NOTCH4: variants seen among roughly 807,000 people sequenced by gnomAD.
NOTCH4 encodes neurogenic locus notch homolog protein 4.
In NOTCH4, 138 loss-of-function variants were observed where a neutral mutation model predicts 189.0. The ratio of observed to expected loss-of-function variants is 0.73; its 90% CI spans 0.64 to 0.84. The LOEUF (loss-of-function observed/expected upper bound fraction) is 0.84, where lower values mean the gene tolerates loss of function less well. Ranked by LOEUF, NOTCH4 falls within the 40% of genes least tolerant of loss-of-function variation. The pLI is 0.00. For synonymous variants in NOTCH4, 942 were observed against 1,032.8 expected, an observed-to-expected ratio of 0.91 and a Z score of 1.69; for missense variants, 2,286 against 2,605.4, an observed-to-expected ratio of 0.88 and a Z score of 2.67.
Position 32,212,750 on chromosome 6 carries a change from G to T in NOTCH4, c.2526+74C>A. On this transcript the variant is annotated intron_variant, in intron 16 of 29. Coordinates refer to ENST00000375023, the MANE Select transcript of NOTCH4 (RefSeq NM_004557.4). The surrounding 1 kb of genome is among the most constrained non-coding windows in gnomAD (Gnocchi z 4.4). ...CAAAAACCTTCTCCTGAATGGCCTG[G>T]GACCAGGTGACCCTCCCTGGTTTCC... 6.9e-7 allele frequency: 1 copy of T among 1,458,536 alleles called. No individual in the cohort carries two copies. Among genetic ancestry groups the T allele is most frequent in the Non-Finnish European group, 9.2e-7 (1 of 1,086,190 alleles). 90.3% of individuals were successfully genotyped at this position (1,458,536 alleles called of 1,614,324 possible).
chr6:32,212,908 G>A lies in NOTCH4; in HGVS notation c.2442C>T (p.Pro814=). The change falls in exon 16 of 30, where the codon CCC becomes CCT. Residue 814 remains proline, a synonymous_variant. Transcript: ENST00000375023. This position sits in a 1 kb window ranked among gnomAD's most constrained non-coding sequence, Gnocchi z 4.4. ...CCTGGCAGGTTGCCCTATTCCTACA[G>A]GGGCTGAACAAGACAGAGACAGGGC... ...GKLRPSCADS[P]CRNRATCQDS... The A allele has an allele frequency of 6.4e-7, 1 of 1,564,124 alleles. No homozygotes were observed. The highest frequency in any genetic ancestry group is 1.4e-5 in the African/African-American group (1 of 73,906).
chr6:32,195,998 C>T lies in NOTCH4; in HGVS notation c.5451G>A (p.Thr1817=). Residue 1817 remains threonine, a synonymous_variant, in exon 30 of 30, where the codon ACG becomes ACA. Transcript: ENST00000375023. This position sits in a 1 kb window ranked among gnomAD's most constrained non-coding sequence, Gnocchi z 5.4. ...CTGGTGGCCCAGCCCCTTCCAGCAG[C>T]GTCAGCAGATCCCAGTGGTTACGTT... ...AHQRNHWDLL[T]LLEGAGPPEA... The T allele has an allele frequency of 6.3e-7, 1 of 1,599,468 alleles. No homozygotes were observed. The highest frequency in any genetic ancestry group is 8.5e-7 in the Non-Finnish European group (1 of 1,179,072).
In NOTCH4 at chr6:32,203,856, G is replaced by A. The variant is rs1190048204; in HGVS notation, c.3145C>T (p.Pro1049Ser). 6.4e-7 allele frequency: 1 copy of A among 1,559,298 alleles called. No homozygotes were observed. Among genetic ancestry groups the A allele is most frequent in the South Asian group, 1.2e-5 (1 of 84,664 alleles). Residue 1049 changes from proline (P) to serine (S), a missense_variant, in exon 20 of 30, where the codon CCC becomes TCC. Physicochemically the swap from Pro to Ser is moderately conservative, Grantham distance 74. Around this residue, in one of 2 missense-constraint regions of NOTCH4, gnomAD observed 1,903 missense variants for 2,261.9 expected, o/e 0.84. Coordinates refer to ENST00000375023, the MANE Select transcript of NOTCH4 (RefSeq NM_004557.4). ...TGAAAGCAGGGTTGGCTGTGGCAGG[G>A]GTCTATCTCCACCTCACACCACTGG... Reference protein sequence around the residue: ...TGQWCEVEIDPCHSQPCFHGG... With the variant: ...TGQWCEVEIDSCHSQPCFHGG...
chr6:32,220,899 C>T (rs1486633231), intron 4 of NOTCH4, 21 bp from the exon 5 acceptor site: 2 of 1,610,312 alleles, frequency 1.2e-6, no homozygotes, highest in South Asian at 2.2e-5. Context: ...CATGGATCAG[C>T]TGTGGGAGGA....
At position 32,206,902 on chromosome 6, in the gene NOTCH4, A is replaced by G. The variant is rs187011358; in HGVS notation, c.2866-2513T>C. Among the ~76,000 whole-genome samples the G allele has an allele frequency of 1.5e-3, 224 of 152,052 alleles. 6 individuals carry two copies. Among genetic ancestry groups the G allele is most frequent in the Admixed American group, 0.011 (163 of 15,260 alleles). On this transcript the variant is annotated intron_variant, in intron 18 of 29. Transcript: ENST00000375023. ...CCCAGAAAAACAAGTCCAAACATTT[A>G]ACAGCCAACTTACTTTCTTTTTTCT...
At chr6:32,223,436 G>C (rs1789924596) in intron 1 of NOTCH4, among the ~76,000 whole-genome samples, 2 of 152,136 alleles carry the variant, frequency 1.3e-5, no homozygotes, top group Admixed American at 6.5e-5. Flanking sequence ...GAAAGGCCGA[G>C]CATTGAGCCA....
At chr6:32,215,075 TC>T in intron 12 of NOTCH4, 150 bp downstream of exon 12, 1 of 687,136 alleles carries the variant, frequency 1.5e-6, no homozygotes, top group Non-Finnish European at 2.3e-6. Flanking sequence ...AGTTGAGCCC[TC>T]CCACTGCCTT....
rs779719376 is a variant in NOTCH4 at position 32,201,015 on chromosome 6, G to A, written c.4140-9C>T. ...CCATGACCACCACAAACCTGTAGAG[G>A]AGGCACCTCAGAGACCTCTGTATTG... On this transcript the variant is annotated splice_polypyrimidine_tract_variant and intron_variant, in intron 22 of 29. Coordinates refer to ENST00000375023, the MANE Select transcript of NOTCH4 (RefSeq NM_004557.4). This position sits in a 1 kb window ranked among gnomAD's most constrained non-coding sequence, Gnocchi z 5.5. 2.6e-6 allele frequency: 4 copies of A among 1,556,168 alleles called. No homozygotes were observed. The highest frequency in any genetic ancestry group is 3.5e-6 in the Non-Finnish European group (4 of 1,151,628).
At chr6:32,222,073 T>G (rs1431823402) in intron 3 of NOTCH4, among the ~76,000 whole-genome samples, 1 of 152,082 alleles carries the variant, frequency 6.6e-6, no homozygotes, top group African/African-American at 2.4e-5. Flanking sequence ...CTGGGTCACA[T>G]CCTTCCCTTC....
In NOTCH4 at chr6:32,212,677, C is replaced by A. The variant is rs1411486836; in HGVS notation, c.2527-50G>T. ...GCAGGACATAGCATCAGATTCTCAG[C>A]CCAGAGATGGTCCTCTGCCCACTCC... is the stretch of plus-strand genomic sequence containing the variant. On this transcript the variant is annotated intron_variant, in intron 16 of 29. Transcript: ENST00000375023. This position sits in a 1 kb window ranked among gnomAD's most constrained non-coding sequence, Gnocchi z 4.4. 6.4e-7 allele frequency: 1 copy of A among 1,568,906 alleles called. No individual in the cohort carries two copies.
chr6:32,213,373 C>A, intron 14 of NOTCH4, 121 bp from the exon 15 acceptor site: 1 of 651,998 alleles, frequency 1.5e-6, no homozygotes. Flanking sequence ...TCACTGCCAT[C>A]CAATTAATTT....
chr6:32,197,082 CAG>C lies in NOTCH4; in HGVS notation c.5053-12_5053-11del, dbSNP rs774624438. On this transcript the variant is annotated splice_polypyrimidine_tract_variant and intron_variant, in intron 27 of 29. Coordinates refer to ENST00000375023, the MANE Select transcript of NOTCH4 (RefSeq NM_004557.4). ...TGCTACGGAGCAGAAGCTGGGGAGA[CAG>C]AGGGCCAGTGACCCCTGGGGTACCT... 7 of 1,611,762 alleles carry C rather than the reference CAG, an allele frequency of 4.3e-6. No individual in the cohort carries two copies. Among genetic ancestry groups the C allele is most frequent in the Admixed American group, 1.7e-5 (1 of 59,988 alleles).
intron 17 of NOTCH4, among the ~76,000 whole-genome samples, chr6:32,211,592 C>G (rs1002206397): frequency 7.8e-6 from 1 of 127,910 alleles, no homozygotes; most frequent in Non-Finnish European, 1.7e-5. Flanking sequence ...GACTCCATCT[C>G]AAAAATAAAT....
chr6:32,201,084 G>A lies in NOTCH4; in HGVS notation c.4139+33C>T. ...TCCCTCTGCCCTCTTAAAAAAACTG[G>A]TGTCTGGCCCTTCCCTCCACCTAGC... On this transcript the variant is annotated intron_variant, in intron 22 of 29. Transcript: ENST00000375023. This position sits in a 1 kb window ranked among gnomAD's most constrained non-coding sequence, Gnocchi z 5.5. 1 of 1,582,030 alleles carries A rather than the reference G, an allele frequency of 6.3e-7. No individual in the cohort carries two copies. The highest frequency in any genetic ancestry group is 8.6e-7 in the Non-Finnish European group (1 of 1,164,634).
rs762675001 is a variant in NOTCH4, at chr6:32,202,166, A to G, written c.3665T>C (p.Leu1222Pro). The G allele has an allele frequency of 6.6e-7, 1 of 1,523,658 alleles. No individual in the cohort carries two copies. Among genetic ancestry groups the G allele is most frequent in the East Asian group, 2.3e-5 (1 of 44,058 alleles). 94.4% of individuals were successfully genotyped at this position (1,523,658 alleles called of 1,614,324 possible). The stretch of plus-strand genomic sequence containing the variant: ...GTGGCACTGCCCGTCCCGGAAGAGA[A>G]GCCAGCACCGAGAGTGGGAGGGGCA... ...KGCPSHSRCW[L>P]LFRDGQCHPQ... Residue 1222 changes from leucine (L) to proline (P), a missense_variant, in exon 21 of 30, where the codon CTT becomes CCT. This residue lies in a region of NOTCH4 where 1,903 missense variants were observed against 2,261.9 expected (regional missense o/e 0.84). Transcript: ENST00000375023. This position sits in a 1 kb window ranked among gnomAD's most constrained non-coding sequence, Gnocchi z 5.7.
At chr6:32,197,268 A>G in intron 27 of NOTCH4, 31 bp downstream of exon 27, 1 of 1,516,298 alleles carries the variant, frequency 6.6e-7, no homozygotes, top group Non-Finnish European at 8.8e-7. Context: ...AGCTCGCCCC[A>G]TTCCCTGTAG....
rs35795312 is a variant in NOTCH4, at chr6:32,223,881, TAGCAGCAGCAGCAGC to T, written c.33_47del (p.Leu12_Leu16del). 5.5e-3 allele frequency: 8,692 copies of T among 1,583,580 alleles called. 42 individuals carry two copies. The highest frequency in any genetic ancestry group is 6.2e-3 in the Non-Finnish European group (7,234 of 1,168,604). On this transcript the variant is annotated inframe_deletion, in exon 1 of 30. Coordinates refer to ENST00000375023, the MANE Select transcript of NOTCH4 (RefSeq NM_004557.4). ...CTCTGGGTCTGACCACTGAGACACA[TAGCAGCAGCAGCAGC>T]AGCAGCAGCAGCAGCAGTGAAGGGG...
chr6:32,195,912 A>G lies in NOTCH4; in HGVS notation c.5537T>C (p.Val1846Ala), dbSNP rs954692050. 4 of 1,586,830 alleles carry G rather than the reference A, an allele frequency of 2.5e-6. No individual in the cohort carries two copies. Among genetic ancestry groups the G allele is most frequent in the African/African-American group, 1.3e-5 (1 of 74,566 alleles). The change falls in exon 30 of 30, where the codon GTG (valine) becomes GCG (alanine). Residue 1846 changes from valine to alanine, a missense_variant. Physicochemically the swap from Val to Ala is moderately conservative, Grantham distance 64. Coordinates refer to ENST00000375023, the MANE Select transcript of NOTCH4 (RefSeq NM_004557.4). The surrounding 1 kb of genome is among the most constrained non-coding windows in gnomAD (Gnocchi z 5.4). ...EAGPFPRART[V>A]SVSVPPHGGG... ...CCCATGCGGGGGCACGCTTACTGAC[A>G]CCGTCCGTGCGCGCGGGAAGGGCCC...
At chr6:32,196,749 G>T (rs1373862821) in intron 28 of NOTCH4, among the ~76,000 whole-genome samples, 176 bp downstream of exon 28, 1 of 152,094 alleles carries the variant, frequency 6.6e-6, no homozygotes, top group African/African-American at 2.4e-5. Context: ...TGGTGTTGAG[G>T]GTGGGAGTTG....
Sources: gnomAD v4.1 joint callset for allele counts (sites outside exome capture counted in the v4.1 genomes callset) on GRCh38, gnomAD v4.1.1 for gene constraint, gnomAD v4.1.1 regional missense constraint, Gnocchi (gnomAD v3.1) non-coding constraint, MANE v1.5 for transcripts, NCBI Gene and HGNC (gene_info 2026-07-23, HGNC 2026-07-21) for gene names.